The following RUSC2 variants were observed in gnomAD, a reference collection of about 807,000 sequenced individuals.
RUSC2 encodes RUN and SH3 domain containing 2, also known as AP-4 complex accessory subunit RUSC2.
Under a neutral mutation model 122.2 loss-of-function variants are expected in RUSC2, and 34 were observed. The ratio of observed to expected loss-of-function variants is 0.28; its 90% CI spans 0.21 to 0.37. The LOEUF (loss-of-function observed/expected upper bound fraction) is 0.37. RUSC2 is among the 10% of genes least tolerant of loss of function. The probability of loss-of-function intolerance (pLI) is 1.00; values close to 1 mark genes in which losing one functional copy is unlikely to be tolerated. For synonymous variants in RUSC2, 784 were observed against 790.0 expected (o/e 0.99, Z 0.13); for missense variants, 1,747 against 1,952.4 (o/e 0.89, Z 1.98).
At position 35,547,448 on chromosome 9, in the gene RUSC2, T is replaced by C; in HGVS notation, c.927T>C (p.Ser309=). Residue 309 remains serine (S), a synonymous_variant, in exon 2 of 12, where the codon TCT becomes TCC. Transcript: ENST00000361226. The surrounding 1 kb of genome is among the most constrained non-coding windows in gnomAD (Gnocchi z 4.6). ...LNSAPQSCSD[S]SFCSHSDPGA... ...CTGCCCCACAGTCCTGCAGCGACTC[T>C]TCCTTCTGCAGCCACTCAGACCCTG... 1 of 1,614,206 alleles carries C rather than the reference T, an allele frequency of 6.2e-7. No homozygotes were observed. The highest frequency in any genetic ancestry group is 8.5e-7 in the Non-Finnish European group (1 of 1,180,044).
chr9:35,547,096 G>T lies in RUSC2; in HGVS notation c.575G>T (p.Arg192Leu). The part of the protein sequence containing the change: ...TQQCGTSHCC[R>L]PELEAETMEL... Reference sequence around the variant, plus strand: ...CAGTGCGGCACCAGCCACTGCTGCCGGCCAGAGCTGGAAGCAGAGACTATG... The same window carrying T: ...CAGTGCGGCACCAGCCACTGCTGCCTGCCAGAGCTGGAAGCAGAGACTATG... The change falls in exon 2 of 12, where the codon CGG becomes CTG. Residue 192 changes from arginine to leucine, a missense_variant. By Grantham distance (102) the Arg-to-Leu change is moderately radical. Coordinates refer to ENST00000361226, the MANE Select transcript of RUSC2 (RefSeq NM_014806.5). The surrounding 1 kb of genome is among the most constrained non-coding windows in gnomAD (Gnocchi z 4.6). 1 of 1,614,074 alleles carries T rather than the reference G, an allele frequency of 6.2e-7. No individual in the cohort carries two copies. The highest frequency in any genetic ancestry group is 8.5e-7 in the Non-Finnish European group (1 of 1,179,970).
At chr9:35,553,182 C>T (rs1264618950) in intron 2 of RUSC2, among the ~76,000 whole-genome samples, 4 of 152,160 alleles carry the variant, frequency 2.6e-5, no homozygotes, top group African/African-American at 9.7e-5. Context: ...GGAGAGCAGC[C>T]TAGCTCGTAG....
At chr9:35,515,635 A>T (rs888233126) in intron 1 of RUSC2, among the ~76,000 whole-genome samples, 5 of 152,148 alleles carry the variant, frequency 3.3e-5, no homozygotes, top group African/African-American at 1.2e-4. Context: ...TCTCTGCAAG[A>T]TCCTCAGTTT....
intron 4 of RUSC2, 57 bp downstream of exon 4, chr9:35,556,194 G>T (rs1380909883): frequency 6.2e-7 from 1 of 1,602,650 alleles, no homozygotes; most frequent in Non-Finnish European, 8.5e-7. Flanking sequence ...GCTGGAAAGG[G>T]CTAGAGAAGG....
At chr9:35,553,025 G>A (rs1166515517) in intron 2 of RUSC2, among the ~76,000 whole-genome samples, 1 of 152,182 alleles carries the variant, frequency 6.6e-6, no homozygotes, top group Non-Finnish European at 1.5e-5. Context: ...GACCTAATCC[G>A]ATAGCCAGAG....
intron 1 of RUSC2, among the ~76,000 whole-genome samples, chr9:35,496,356 T>C (rs1232901620): frequency 6.6e-6 from 1 of 152,194 alleles, no homozygotes; most frequent in African/African-American, 2.4e-5. Flanking sequence ...TTCATCTTCG[T>C]AGAAACAAAG....
intron 1 of RUSC2, among the ~76,000 whole-genome samples, chr9:35,499,141 G>A (rs1276852242): frequency 2.0e-5 from 3 of 152,012 alleles, no homozygotes; most frequent in African/African-American, 7.3e-5. Flanking sequence ...ACAAAAATTA[G>A]CCAAGCGTGG....
At position 35,547,326 on chromosome 9, in the gene RUSC2, G is replaced by A; in HGVS notation, c.805G>A (p.Val269Met). 6.2e-7 allele frequency: 1 copy of A among 1,614,218 alleles called. No homozygotes were observed. Among genetic ancestry groups the A allele is most frequent in the Non-Finnish European group, 8.5e-7 (1 of 1,180,034 alleles). ...GGCAGCTGACCAGTCCATGGGCTATGTGAGCGACTCCTCCTGCAACAGTTC... is the reference window on the plus strand; with the variant it reads ...GGCAGCTGACCAGTCCATGGGCTATATGAGCGACTCCTCCTGCAACAGTTC... ...SEAADQSMGY[V>M]SDSSCNSSDG... Residue 269 changes from valine (V) to methionine (M), a missense_variant, in exon 2 of 12, where the codon GTG (valine) becomes ATG (methionine). By Grantham distance (21) the Val-to-Met change is conservative (BLOSUM62 1). Coordinates refer to ENST00000361226, the MANE Select transcript of RUSC2 (RefSeq NM_014806.5). The surrounding 1 kb of genome is among the most constrained non-coding windows in gnomAD (Gnocchi z 4.6).
At position 35,560,355 on chromosome 9, in the gene RUSC2, G is replaced by A; in HGVS notation, c.3715G>A (p.Glu1239Lys). The A allele has an allele frequency of 6.2e-7, 1 of 1,601,350 alleles. No homozygotes were observed. Among genetic ancestry groups the A allele is most frequent in the Non-Finnish European group, 8.5e-7 (1 of 1,177,916 alleles). The change falls in exon 10 of 12, where the codon GAA (glutamate) becomes AAA (lysine). Residue 1239 changes from glutamate to lysine, a missense_variant. Physicochemically the swap from Glu to Lys is moderately conservative, Grantham distance 56. Coordinates refer to ENST00000361226, the MANE Select transcript of RUSC2 (RefSeq NM_014806.5). ...VKGVGASEGG[E>K]EEEEEEETEE... ...GGGTGTGGGTGCCTCAGAAGGTGGA[G>A]AAGAGGAAGAGGAAGAAGAGGAGAC... is the stretch of plus-strand genomic sequence containing the variant.
rs1820690784 is a variant in RUSC2, at chr9:35,495,393, C to T, written c.-93+5221C>T. Among the ~76,000 whole-genome samples, 3 of 149,104 alleles carry T rather than the reference C, an allele frequency of 2.0e-5. No homozygotes were observed. The South Asian group carries it at 6.3e-4, about 31-fold the overall frequency. On this transcript the variant is annotated intron_variant, in intron 1 of 11. Coordinates refer to ENST00000361226, the MANE Select transcript of RUSC2 (RefSeq NM_014806.5). ...ACTTATTTCATTTGCTTGTGGATATCCAGTTTTTCCAACACCATTTGTTGA... is the reference window on the plus strand; with the variant it reads ...ACTTATTTCATTTGCTTGTGGATATTCAGTTTTTCCAACACCATTTGTTGA...
chr9:35,524,525 C>T (rs964918899), intron 1 of RUSC2, among the ~76,000 whole-genome samples: 3 of 152,196 alleles, frequency 2.0e-5, no homozygotes, highest in Non-Finnish European at 1.5e-5. Context: ...TAACGAAGGA[C>T]TAGTTCAAAA....
At chr9:35,513,227 T>TTGTTGC (rs1821042285) in intron 1 of RUSC2, among the ~76,000 whole-genome samples, 1 of 143,386 alleles carries the variant, frequency 7.0e-6, no homozygotes, top group Non-Finnish European at 1.5e-5. Context: ...GTTGTTGTTG[T>TTGTTGC]TGTTGCTTGA....
intron 1 of RUSC2, among the ~76,000 whole-genome samples, chr9:35,514,022 T>G (rs988080947): frequency 6.6e-6 from 1 of 151,238 alleles, no homozygotes; most frequent in Non-Finnish European, 1.5e-5. Context: ...TTTCAAATTT[T>G]GCTACATACT....
In RUSC2 at chr9:35,527,910, C is replaced by T. The variant is rs929019078; in HGVS notation, c.-92-18520C>T. Among the ~76,000 whole-genome samples the T allele has an allele frequency of 3.3e-5, 5 of 152,346 alleles. No homozygotes were observed. The East Asian group carries it at 5.8e-4, about 18-fold the overall frequency. ...AGAACTCTCAGGTTTAGCTCCCTCA[C>T]CTTCCCAGTGGCTCAAGTATGGTCA... On this transcript the variant is annotated intron_variant, in intron 1 of 11. Transcript: ENST00000361226.
Position 35,546,327 on chromosome 9 carries a change from C to G in RUSC2, c.-92-103C>G, listed in dbSNP as rs1821743472. The G allele has an allele frequency of 5.1e-6, 2 of 396,032 alleles. No homozygotes were observed. Among genetic ancestry groups the G allele is most frequent in the East Asian group, 7.4e-5 (2 of 27,178 alleles). 24.5% of individuals were successfully genotyped at this position (396,032 alleles called of 1,614,324 possible). ...AGCTCCATCTTGACTCAAGCCTTTT[C>G]TCTTCCTGGGCTCTTCTCCATCTGA... On this transcript the variant is annotated intron_variant, in intron 1 of 11. Transcript: ENST00000361226. This position sits in a 1 kb window ranked among gnomAD's most constrained non-coding sequence, Gnocchi z 4.3.
Position 35,555,977 on chromosome 9 carries a change from C to T in RUSC2, c.2682C>T (p.Leu894=), listed in dbSNP as rs1211318275. Residue 894 remains leucine (L), a synonymous_variant, in exon 4 of 12, where the codon CTC becomes CTT. Transcript: ENST00000361226. This position sits in a 1 kb window ranked among gnomAD's most constrained non-coding sequence, Gnocchi z 4.6. Reference sequence around the variant, plus strand: ...CCAACCACCTATCCCCTCAAGCCCTCAAGTGGCGGGAATACAGGAGGAAGA... The same window carrying T: ...CCAACCACCTATCCCCTCAAGCCCTTAAGTGGCGGGAATACAGGAGGAAGA... ...SNANHLSPQA[L]KWREYRRKNP... is the part of the protein sequence containing the mutation. The T allele has an allele frequency of 7.4e-6, 12 of 1,614,232 alleles. No homozygotes were observed. The highest frequency in any genetic ancestry group is 1.0e-5 in the Non-Finnish European group (12 of 1,180,038).
At chr9:35,492,987 T>G (rs12235245) in intron 1 of RUSC2, among the ~76,000 whole-genome samples, 26,775 of 149,446 alleles carry the variant, frequency 0.18, 2,853 homozygotes, top group East Asian at 0.34. Context: ...GTTTTTTGGG[T>G]TTTTTTTTAA....
At position 35,560,949 on chromosome 9, in the gene RUSC2, G is replaced by A. The variant is rs1376854766; in HGVS notation, c.4212-11G>A. ...TCCTGGGCAGAGCCTGAGTCCAGCT[G>A]CTGTCCCTAGGCTCCCCTCGGACTG... is the stretch of plus-strand genomic sequence containing the variant. On this transcript the variant is annotated splice_polypyrimidine_tract_variant and intron_variant, in intron 10 of 11. Transcript: ENST00000361226. The A allele has an allele frequency of 6.2e-7, 1 of 1,612,412 alleles. No homozygotes were observed. Among genetic ancestry groups the A allele is most frequent in the African/African-American group, 1.3e-5 (1 of 74,932 alleles).
rs550704080 is a variant in RUSC2 at position 35,499,741 on chromosome 9, T to A, written c.-93+9569T>A. ...TTTTTAAAAAAAGAAAATGCACCCT[T>A]GTATTTAGTGTACTTAGGGAAAATG... On this transcript the variant is annotated intron_variant, in intron 1 of 11. Transcript: ENST00000361226. 1.5e-4 allele frequency among the ~76,000 whole-genome samples: 23 copies of A among 152,350 alleles called. No individual in the cohort carries two copies. The South Asian group carries it at 4.6e-3, about 30-fold the overall frequency.
Sources: allele counts gnomAD v4.1 joint callset (sites outside exome capture counted in the v4.1 genomes callset), GRCh38; gene constraint gnomAD v4.1.1; non-coding constraint Gnocchi (gnomAD v3.1); transcripts MANE v1.5; gene names NCBI Gene and HGNC (gene_info 2026-07-23, HGNC 2026-07-21).